ZNF765: variants seen among roughly 807,000 people sequenced by gnomAD.
ZNF765 encodes the protein zinc finger protein 765.
In ZNF765, 37 loss-of-function variants were observed where a neutral mutation model predicts 44.7. The ratio of observed to expected loss-of-function variants is 0.83; its 90% confidence interval spans 0.64 to 1.09. The LOEUF is 1.09. ZNF765 is among the 50% of genes least tolerant of loss of function. ZNF765 has a pLI of 0.00. For synonymous variants in ZNF765, 201 were observed against 213.7 expected, an observed-to-expected ratio of 0.94 and a Z score of 0.52; for missense variants, 594 against 626.1, an observed-to-expected ratio of 0.95 and a Z score of 0.55.
Position 53,408,305 on chromosome 19 carries a change from G to A in ZNF765, c.750G>A (p.Lys250=). 1 of 1,614,210 alleles carries A rather than the reference G, an allele frequency of 6.2e-7. No homozygotes were observed. Among genetic ancestry groups the A allele is most frequent in the South Asian group, 1.1e-5 (1 of 91,082 alleles). The change falls in exon 4 of 4, where the codon AAG becomes AAA. Residue 250 remains lysine (K), a synonymous_variant. Transcript: ENST00000396408. ...AATATAAATGCGATATATGTGGCAA[G>A]GTCTTTAATTCGAAGCGATACGTTG... The part of the protein sequence containing the change: ...EKQYKCDICG[K]VFNSKRYVAR...
At chr19:53,407,309 G>A (rs1171972179) in intron 3 of ZNF765, among the ~76,000 whole-genome samples, 1 of 152,072 alleles carries the variant, frequency 6.6e-6, no homozygotes, top group African/African-American at 2.4e-5. Flanking sequence ...TACATCATGT[G>A]GTCCTTTAGC....
intron 3 of ZNF765, among the ~76,000 whole-genome samples, 156 bp downstream of exon 3, chr19:53,402,347 C>T (rs1422318062): frequency 6.9e-6 from 1 of 145,768 alleles, no homozygotes; most frequent in Admixed American, 7.2e-5. Context: ...AGCTCCGCCT[C>T]CCGGGTTCAC....
At chr19:53,419,558 T>G (rs2085895269) in intron 3 of ZNF765, among the ~76,000 whole-genome samples, 1 of 152,222 alleles carries the variant, frequency 6.6e-6, no homozygotes, top group Non-Finnish European at 1.5e-5. Context: ...AATGCTGTTG[T>G]CTGGCTTAAA....
At chr19:53,404,946 G>A (rs1179878596) in intron 3 of ZNF765, among the ~76,000 whole-genome samples, 2 of 152,156 alleles carry the variant, frequency 1.3e-5, no homozygotes, top group Non-Finnish European at 2.9e-5. Flanking sequence ...GGCCACCCGA[G>A]GTGGCTCACA....
chr19:53,402,604 C>G (rs1022662013), intron 3 of ZNF765, among the ~76,000 whole-genome samples: 32 of 152,182 alleles, frequency 2.1e-4, no homozygotes, highest in South Asian at 4.1e-4. Flanking sequence ...CTCTGTCAGC[C>G]CGGGTGGAGT....
In ZNF765 at chr19:53,402,175, GA is replaced by G. The variant is rs764652861; in HGVS notation, c.128del (p.Asn43ThrfsTer12). The G allele has an allele frequency of 1.9e-6, 3 of 1,613,364 alleles. No homozygotes were observed. In the Admixed American group the frequency reaches 5.0e-5, roughly 27 times the overall value. On this transcript the variant is annotated frameshift_variant, in exon 3 of 4. Transcript: ENST00000396408. LOFTEE classifies it high-confidence loss of function. ...GGGACGTGATGCTGGAGAATTATAG[GA>G]ACCTGGTCTCCCTGGGTGAGGATGA... Reference protein sequence around the residue: ...YRDVMLENYRNLVSLDISSKC... With the variant: ...YRDVMLENYRXLVSLDISSKC...
At chr19:53,414,481 ACACACACACCCCCCCCCCCCCCC>A (rs2085861203), downstream of ZNF765, among the ~76,000 whole-genome samples, 3 of 1,730 alleles carry the variant, frequency 1.7e-3, 1 homozygote, top group Non-Finnish European at 3.7e-3. Context: ...ACACACACAC[ACACACACACCCCCCCCCCCCCCC>A]CCCCCGGGGA....
At chr19:53,402,581 A>G (rs1015227322) in intron 3 of ZNF765, among the ~76,000 whole-genome samples, 1 of 151,936 alleles carries the variant, frequency 6.6e-6, no homozygotes, top group African/African-American at 2.4e-5. Context: ...TTGTTTTTAG[A>G]TAAAGTGTCT....
intron 2 of ZNF765, among the ~76,000 whole-genome samples, chr19:53,400,781 T>TATATATATATAC (rs1056453225): frequency 1.4e-5 from 1 of 70,802 alleles, no homozygotes; most frequent in African/African-American, 5.2e-5. Flanking sequence ...TATATATATA[T>TATATATATATAC]ATACACACAT....
chr19:53,395,346 G>T (rs950342645), intron 1 of ZNF765, among the ~76,000 whole-genome samples, 153 bp downstream of exon 1: 1 of 152,188 alleles, frequency 6.6e-6, no homozygotes, highest in African/African-American at 2.4e-5. Context: ...TCCGGGGGTC[G>T]CTTCCTTTTG....
chr19:53,401,969 T>A (rs367903193), intron 2 of ZNF765, 96 bp from the exon 3 acceptor site: 305 of 1,612,880 alleles, frequency 1.9e-4, no homozygotes, highest in Non-Finnish European at 2.4e-4. Flanking sequence ...ATTCACTGCA[T>A]TTAAATCCAT....
At chr19:53,395,570 GC>G (rs1353891035) in intron 1 of ZNF765, among the ~76,000 whole-genome samples, 1 of 152,224 alleles carries the variant, frequency 6.6e-6, no homozygotes, top group Non-Finnish European at 1.5e-5. Flanking sequence ...GGCGGCCCCA[GC>G]CCCAAGGAGG....
chr19:53,397,394 T>C (rs1600045138), intron 1 of ZNF765, among the ~76,000 whole-genome samples: 1 of 152,146 alleles, frequency 6.6e-6, no homozygotes, highest in African/African-American at 2.4e-5. Context: ...AACTTAAGTG[T>C]GCCCGGCTCA....
chr19:53,400,892 G>A (rs1021943596), intron 2 of ZNF765, among the ~76,000 whole-genome samples: 1 of 151,668 alleles, frequency 6.6e-6, no homozygotes, highest in Non-Finnish European at 1.5e-5. Flanking sequence ...GAGCACAGTG[G>A]CACGATCTTA....
At chr19:53,401,689 A>C (rs1164761707) in intron 2 of ZNF765, among the ~76,000 whole-genome samples, 1 of 152,230 alleles carries the variant, frequency 6.6e-6, no homozygotes, top group Non-Finnish European at 1.5e-5. Context: ...CAAACTGGGC[A>C]ATATGGTGAA....
chr19:53,410,450 A>G lies in ZNF765; in HGVS notation c.*1323A>G. 1 of 355,926 alleles carries G rather than the reference A, an allele frequency of 2.8e-6. No homozygotes were observed. Among genetic ancestry groups the G allele is most frequent in the Admixed American group, 3.9e-5 (1 of 25,840 alleles). The allele number at this position is 355,926 out of a possible 1,614,324, so 22.0% of individuals were successfully genotyped here. A position where few individuals can be genotyped will look rare whatever the true frequency, so the allele number is the denominator to read the frequency against. The stretch of plus-strand genomic sequence containing the variant: ...TGTAAGAGTTTGTGACAAGGCTTTC[A>G]GGCATAATTCGCACCTGGCACAACA... On this transcript the variant is annotated 3_prime_UTR_variant, in exon 4 of 4. Transcript: ENST00000396408.
In ZNF765 at chr19:53,409,164, T is replaced by TGGCTGGGC; in HGVS notation, c.*37_*38insGGCTGGGC. On this transcript the variant is annotated 3_prime_UTR_variant, in exon 4 of 4. Transcript: ENST00000396408. ...AGACCTTCAATCAGGAGTTAACCCT[T>TGGCTGGGC]ACATGCCATCGTAGGCTTCATAGTG... 2 of 1,538,550 alleles carry TGGCTGGGC rather than the reference T, an allele frequency of 1.3e-6. No homozygotes were observed. The highest frequency in any genetic ancestry group is 4.5e-5 in the East Asian group (2 of 44,408).
At position 53,409,682 on chromosome 19, in the gene ZNF765, T is replaced by C; in HGVS notation, c.*555T>C. On this transcript the variant is annotated 3_prime_UTR_variant, in exon 4 of 4. Coordinates refer to ENST00000396408, the MANE Select transcript of ZNF765 (RefSeq NM_001040185.3). ...ACCTTACACGCCATCGTAGACTTCATACTGGAGGATACCTTACAAATGTAA... is the reference window on the plus strand; with the variant it reads ...ACCTTACACGCCATCGTAGACTTCACACTGGAGGATACCTTACAAATGTAA... The C allele has an allele frequency of 9.2e-7, 1 of 1,082,204 alleles. No homozygotes were observed. Among genetic ancestry groups the C allele is most frequent in the South Asian group, 1.2e-5 (1 of 80,546 alleles). 67.0% of individuals were successfully genotyped at this position (1,082,204 alleles called of 1,614,324 possible). A position where few individuals can be genotyped will look rare whatever the true frequency, so the allele number is the denominator to read the frequency against.
rs1483195450 is a variant in ZNF765, at chr19:53,420,287, G to A, written c.143-2775G>A. On this transcript the variant is annotated intron_variant, in intron 3 of 3. Coordinates refer to the ZNF765 transcript ENST00000594030. ...TCAGAAGTTGCGGTGAGCCAAGATCGCACCACTGCACTCCAGCCTGGTGAC... is the reference window on the plus strand; with the variant it reads ...TCAGAAGTTGCGGTGAGCCAAGATCACACCACTGCACTCCAGCCTGGTGAC... Among the ~76,000 whole-genome samples, 4 of 147,582 alleles carry A rather than the reference G, an allele frequency of 2.7e-5. No individual in the cohort carries two copies. In the East Asian group the frequency reaches 6.2e-4, roughly 23 times the overall value.
Sources: gnomAD v4.1 joint callset for allele counts (sites outside exome capture counted in the v4.1 genomes callset) on GRCh38, gnomAD v4.1.1 for gene constraint, MANE v1.5 for transcripts, NCBI Gene and HGNC (gene_info 2026-07-23, HGNC 2026-07-21) for gene names.